ZCCHC14: variants seen among roughly 807,000 people sequenced by gnomAD.
The protein encoded by ZCCHC14 is zinc finger CCHC-type containing 14.
In ZCCHC14, 16 loss-of-function variants were observed where a neutral mutation model predicts 85.0. The observed-to-expected ratio is 0.19, with a 90% CI of 0.13 to 0.29. ZCCHC14 has a LOEUF of 0.29. Ranked by LOEUF, ZCCHC14 falls within the 10% of genes least tolerant of loss-of-function variation. ZCCHC14 has a pLI of 1.00. For synonymous variants in ZCCHC14, 775 were observed against 630.7 expected, an observed-to-expected ratio of 1.23 and a Z score of -3.43; for missense variants, 1,303 against 1,443.5, an observed-to-expected ratio of 0.90 and a Z score of 1.58.
intron 2 of ZCCHC14, among the ~76,000 whole-genome samples, chr16:87,440,390 C>G (rs138371764): frequency 0.017 from 2,527 of 152,272 alleles, 26 homozygotes; most frequent in Middle Eastern, 0.044. Context: ...GTCTCGAACT[C>G]CTAACCTCAA....
intron 1 of ZCCHC14, among the ~76,000 whole-genome samples, chr16:87,461,705 T>C (rs1017307064): frequency 6.6e-6 from 1 of 152,294 alleles, no homozygotes; most frequent in East Asian, 1.9e-4. Flanking sequence ...AGGCGGAAGC[T>C]GGAGTTGGGA....
At chr16:87,478,584 C>T (rs967947060) in intron 1 of ZCCHC14, among the ~76,000 whole-genome samples, 1 of 151,550 alleles carries the variant, frequency 6.6e-6, no homozygotes, top group Admixed American at 6.6e-5. Flanking sequence ...ATACTCTGTG[C>T]TTTCAAAGTA....
intron 2 of ZCCHC14, among the ~76,000 whole-genome samples, chr16:87,436,468 G>A (rs1252075800): frequency 3.3e-5 from 5 of 152,246 alleles, no homozygotes; most frequent in Admixed American, 6.5e-5. Context: ...GTGAGGGGCC[G>A]GGCTAGTGCG....
At chr16:87,468,459 T>C (rs1007977920) in intron 1 of ZCCHC14, among the ~76,000 whole-genome samples, 17 of 114,944 alleles carry the variant, frequency 1.5e-4, no homozygotes, top group African/African-American at 5.5e-4. Context: ...CTTAATTACA[T>C]AGTCAAAAAA....
chr16:87,441,924 C>T (rs1910205342), intron 2 of ZCCHC14, among the ~76,000 whole-genome samples: 1 of 152,178 alleles, frequency 6.6e-6, no homozygotes, highest in Admixed American at 6.6e-5. Flanking sequence ...GCTGCGATTC[C>T]AGGTGGGGTG....
chr16:87,411,366 GC>G (rs1908423130), intron 12 of ZCCHC14, 149 bp downstream of exon 12: 1 of 1,507,060 alleles, frequency 6.6e-7, no homozygotes, highest in Admixed American at 2.2e-5. Context: ...GGACCTCACG[GC>G]CTATCATGAA....
chr16:87,408,388 C>T lies in ZCCHC14; in HGVS notation c.*1892G>A, dbSNP rs1197048962. ...TAATGGCCTTCAGAAATATTAAAATCGTAAACATCAATGAACACTCTAAGT... is the reference window on the plus strand; with the variant it reads ...TAATGGCCTTCAGAAATATTAAAATTGTAAACATCAATGAACACTCTAAGT... On this transcript the variant is annotated 3_prime_UTR_variant, in exon 13 of 13. Coordinates refer to ENST00000671377, the MANE Select transcript of ZCCHC14 (RefSeq NM_015144.3). 6.6e-6 allele frequency: 1 copy of T among 152,552 alleles called. No homozygotes were observed. The highest frequency in any genetic ancestry group is 1.5e-5 in the Non-Finnish European group (1 of 68,036). 9.4% of individuals were successfully genotyped at this position (152,552 alleles called of 1,614,324 possible).
intron 1 of ZCCHC14, among the ~76,000 whole-genome samples, chr16:87,478,020 T>C (rs997868894): frequency 6.6e-6 from 1 of 152,150 alleles, no homozygotes; most frequent in Non-Finnish European, 1.5e-5. Context: ...CCCCCACGCA[T>C]CGCTCCTCCC....
At position 87,418,890 on chromosome 16, in the gene ZCCHC14, G is replaced by C. The variant is rs1357171258; in HGVS notation, c.1057C>G (p.Pro353Ala). The C allele has an allele frequency of 6.2e-7, 1 of 1,612,394 alleles. No individual in the cohort carries two copies. Among genetic ancestry groups the C allele is most frequent in the East Asian group, 2.2e-5 (1 of 44,864 alleles). ...QQLQSPSPGN[P>A]SLSKVGTVMG... ...ACGGTACCTACTTTAGAAAGGGAGG[G>C]ATTGCCAGGACCTATAAATTTAAAA... Residue 353 changes from proline to alanine, a missense_variant, in exon 7 of 13, where the codon CCC (proline) becomes GCC (alanine). Pro to Ala is a conservative substitution (Grantham distance 27). Coordinates refer to ENST00000671377, the MANE Select transcript of ZCCHC14 (RefSeq NM_015144.3).
intron 3 of ZCCHC14, among the ~76,000 whole-genome samples, chr16:87,428,582 T>C (rs1313352355): frequency 1.3e-5 from 2 of 152,222 alleles, no homozygotes; most frequent in African/African-American, 2.4e-5. Flanking sequence ...GAATTATAAC[T>C]GACGATGAAC....
At chr16:87,482,925 T>C (rs1199492743) in intron 1 of ZCCHC14, among the ~76,000 whole-genome samples, 1 of 152,130 alleles carries the variant, frequency 6.6e-6, no homozygotes, top group Non-Finnish European at 1.5e-5. Flanking sequence ...GTCATGTGTA[T>C]TATGTATGCA....
intron 1 of ZCCHC14, among the ~76,000 whole-genome samples, chr16:87,488,965 A>G (rs981859375): frequency 2.9e-4 from 24 of 82,266 alleles, no homozygotes; most frequent in Admixed American, 4.5e-4. Flanking sequence ...CTCTAAGCTC[A>G]AAGAGTTCAA....
chr16:87,426,397 C>T (rs907071323), intron 3 of ZCCHC14, among the ~76,000 whole-genome samples: 5 of 152,244 alleles, frequency 3.3e-5, no homozygotes, highest in Middle Eastern at 3.2e-3. Context: ...GATTCTGGCA[C>T]AGCATCTTCT....
At chr16:87,458,120 G>A (rs1004872056) in intron 2 of ZCCHC14, among the ~76,000 whole-genome samples, 5 of 152,116 alleles carry the variant, frequency 3.3e-5, no homozygotes, top group African/African-American at 1.2e-4. Context: ...AAAAAGAATG[G>A]GGATGTCAAT....
At chr16:87,419,369 C>T (rs372945549) in intron 6 of ZCCHC14, among the ~76,000 whole-genome samples, 2 of 152,216 alleles carry the variant, frequency 1.3e-5, no homozygotes, top group Non-Finnish European at 2.9e-5. Flanking sequence ...GGTGCAATCT[C>T]GGCTCACTGC....
intron 3 of ZCCHC14, among the ~76,000 whole-genome samples, chr16:87,428,789 A>G (rs1909502493): frequency 6.6e-6 from 1 of 152,242 alleles, no homozygotes; most frequent in Non-Finnish European, 1.5e-5. Flanking sequence ...GGACTCACTG[A>G]GTATAAACTT....
Position 87,492,762 on chromosome 16 carries a change from G to A in ZCCHC14, c.-524C>T, listed in dbSNP as rs1457159155. 1 of 146,662 alleles carries A rather than the reference G, an allele frequency of 6.8e-6. No homozygotes were observed. Among genetic ancestry groups the A allele is most frequent in the Non-Finnish European group, 1.5e-5 (1 of 65,906 alleles). The allele number at this position is 146,662 out of a possible 1,614,324, so 9.1% of individuals were successfully genotyped here. ...GGCCGTTACCCCGGGCCGCGGGCGCGGCGTCGCCGCCTGGGGAGCGCTGGG... is the reference window on the plus strand; with the variant it reads ...GGCCGTTACCCCGGGCCGCGGGCGCAGCGTCGCCGCCTGGGGAGCGCTGGG... On this transcript the variant is annotated 5_prime_UTR_variant, in exon 1 of 13. Coordinates refer to ENST00000671377, the MANE Select transcript of ZCCHC14 (RefSeq NM_015144.3). This position sits in a 1 kb window ranked among gnomAD's most constrained non-coding sequence, Gnocchi z 6.7.
chr16:87,418,077 C>A (rs887974584), intron 7 of ZCCHC14, among the ~76,000 whole-genome samples: 2 of 152,204 alleles, frequency 1.3e-5, no homozygotes, highest in African/African-American at 4.8e-5. Flanking sequence ...GTCTCTGTCC[C>A]CACCAGACTT....
chr16:87,414,912 C>G (rs926111802), intron 9 of ZCCHC14, among the ~76,000 whole-genome samples: 7 of 152,084 alleles, frequency 4.6e-5, no homozygotes, highest in Non-Finnish European at 1.0e-4. Flanking sequence ...AAAACCCGGT[C>G]TCTTCTAAAA....
Sources: allele counts gnomAD v4.1 joint callset (sites outside exome capture counted in the v4.1 genomes callset), GRCh38; gene constraint gnomAD v4.1.1; non-coding constraint Gnocchi (gnomAD v3.1); transcripts MANE v1.5; gene names NCBI Gene and HGNC (gene_info 2026-07-23, HGNC 2026-07-21).